The following IL1RAPL1 variants were observed in gnomAD, a reference collection of about 807,000 sequenced individuals.
IL1RAPL1 encodes the protein interleukin-1 receptor accessory protein-like 1.
Under a neutral mutation model 48.4 loss-of-function variants are expected in IL1RAPL1, and 3 were observed. The ratio of observed to expected loss-of-function variants is 0.06; its 90% CI spans 0.03 to 0.16. The LOEUF (loss-of-function observed/expected upper bound fraction) is 0.16, where lower values mean the gene tolerates loss of function less well. Ranked by LOEUF, IL1RAPL1 falls within the 10% of genes least tolerant of loss-of-function variation. IL1RAPL1 has a pLI of 1.00. For missense variants in IL1RAPL1, 349 were observed against 530.6 expected, an observed-to-expected ratio of 0.66 and a Z score of 3.36; for synonymous variants, 185 against 187.7, an observed-to-expected ratio of 0.99 and a Z score of 0.12.
chrX:29,081,118 A>G (rs1927833383), intron 2 of IL1RAPL1, among the ~76,000 whole-genome samples: 1 of 99,947 alleles, frequency 1.0e-5, no homozygotes, highest in Admixed American at 1.2e-4. Context: ...CAGTGGTGCA[A>G]TCTAGGCTCA....
intron 2 of IL1RAPL1, among the ~76,000 whole-genome samples, chrX:29,230,858 G>A (rs962858855): frequency 9.0e-6 from 1 of 111,487 alleles, no homozygotes; most frequent in Middle Eastern, 4.6e-3. Context: ...GGGCCCTGTA[G>A]CGTATATGTG....
intron 6 of IL1RAPL1, among the ~76,000 whole-genome samples, chrX:29,774,649 A>G (rs1929149809): frequency 1.8e-5 from 2 of 111,800 alleles, no homozygotes; most frequent in African/African-American, 6.5e-5. Context: ...AGTGTCAGAA[A>G]CTTTAAACTA....
intron 2 of IL1RAPL1, among the ~76,000 whole-genome samples, chrX:29,186,606 C>A: frequency 9.0e-6 from 1 of 110,929 alleles, no homozygotes; most frequent in Non-Finnish European, 1.9e-5. Context: ...ACCACGGTTG[C>A]AGGAAAAAGA....
rs765938580 is a variant in IL1RAPL1 at position 29,915,445 on chromosome X, C to G, written c.779-2019C>G. On this transcript the variant is annotated intron_variant, in intron 6 of 10. Coordinates refer to ENST00000378993, the MANE Select transcript of IL1RAPL1 (RefSeq NM_014271.4). ...TCATGAATTATTCTTAAACAACGAA[C>G]ATAAGAGAATACGATTTTATCCTAT... 1.2e-4 allele frequency among the ~76,000 whole-genome samples: 13 copies of G among 112,080 alleles called. No individual in the cohort carries two copies. The South Asian group carries it at 4.8e-3, about 42-fold the overall frequency.
rs749299402 is a variant in IL1RAPL1, at chrX:29,368,940, TTGC to T, written c.363-27295_363-27293del. On this transcript the variant is annotated intron_variant, in intron 3 of 10. Transcript: ENST00000378993. Reference sequence around the variant, plus strand: ...AGAATCTCAACTGTTCTATCTTCTGTTGCTGCTGCTGCTGCTGCTGCTGCTATT... The same window carrying T: ...AGAATCTCAACTGTTCTATCTTCTGTTGCTGCTGCTGCTGCTGCTGCTATT... 6.0e-4 allele frequency: 71 copies of T among 117,670 alleles called. 1 individual carries two copies. Among genetic ancestry groups the T allele is most frequent in the Non-Finnish European group, 1.1e-3 (61 of 57,733 alleles). The allele number at this position is 117,670 out of a possible 1,213,427, so 9.7% of individuals were successfully genotyped here.
chrX:29,094,063 C>T (rs1928148653), intron 2 of IL1RAPL1, among the ~76,000 whole-genome samples: 1 of 111,914 alleles, frequency 8.9e-6, no homozygotes, highest in South Asian at 3.8e-4. Context: ...CTGTCTACCT[C>T]ACCTGGTTTA....
At chrX:29,379,194 T>A (rs1048575014) in intron 3 of IL1RAPL1, among the ~76,000 whole-genome samples, 1 of 112,593 alleles carries the variant, frequency 8.9e-6, no homozygotes, top group South Asian at 3.6e-4. Flanking sequence ...GTGAATGTAC[T>A]CAGGTGAAGC....
chrX:29,828,060 T>C (rs893570841), intron 6 of IL1RAPL1, among the ~76,000 whole-genome samples: 1 of 111,728 alleles, frequency 9.0e-6, no homozygotes, highest in Non-Finnish European at 1.9e-5. Flanking sequence ...TTTATTCATC[T>C]CTGGGATAAA....
intron 5 of IL1RAPL1, among the ~76,000 whole-genome samples, chrX:29,454,782 A>G (rs1309994805): frequency 1.8e-5 from 2 of 109,902 alleles, no homozygotes; most frequent in Non-Finnish European, 3.8e-5. Context: ...GTGAGAATAC[A>G]TGAAGCTCGC....
chrX:28,875,055 C>T (rs1323748194), intron 2 of IL1RAPL1, among the ~76,000 whole-genome samples: 1 of 111,596 alleles, frequency 9.0e-6, no homozygotes, highest in African/African-American at 3.3e-5. Flanking sequence ...GGATTTTCAG[C>T]AGTTAAGAAT....
intron 2 of IL1RAPL1, among the ~76,000 whole-genome samples, chrX:29,274,438 A>G (rs1332380125): frequency 8.9e-6 from 1 of 112,569 alleles, no homozygotes; most frequent in African/African-American, 3.2e-5. Flanking sequence ...TTGGCGGAGC[A>G]GTACACAAGC....
intron 2 of IL1RAPL1, among the ~76,000 whole-genome samples, chrX:28,997,363 G>C (rs1415918987): frequency 9.0e-6 from 1 of 111,639 alleles, no homozygotes; most frequent in African/African-American, 3.3e-5. Context: ...TTATTAGTAA[G>C]ATAACTCTAT....
At chrX:29,508,884 A>G (rs1300019227) in intron 5 of IL1RAPL1, among the ~76,000 whole-genome samples, 4 of 112,107 alleles carry the variant, frequency 3.6e-5, no homozygotes, top group Non-Finnish European at 7.5e-5. Flanking sequence ...ACTTTTTTAT[A>G]TGGAGAAGTC....
rs767817898 is a variant in IL1RAPL1, at chrX:29,276,801, C to T, written c.83-6137C>T. 7.2e-5 allele frequency among the ~76,000 whole-genome samples: 8 copies of T among 111,215 alleles called. No homozygotes were observed. The East Asian group carries it at 2.0e-3, about 27-fold the overall frequency. The stretch of plus-strand genomic sequence containing the variant: ...GAGTAGCTGGGACTACAGGCACATG[C>T]TGCTGGGTCCAGTTTGAGATTTAGA... On this transcript the variant is annotated intron_variant, in intron 2 of 10. Coordinates refer to ENST00000378993, the MANE Select transcript of IL1RAPL1 (RefSeq NM_014271.4).
chrX:29,587,454 C>A (rs1052508149), intron 5 of IL1RAPL1, among the ~76,000 whole-genome samples: 1 of 110,300 alleles, frequency 9.1e-6, no homozygotes, highest in African/African-American at 3.3e-5. Flanking sequence ...TAAGTTTAAA[C>A]GATGTATTGT....
intron 2 of IL1RAPL1, among the ~76,000 whole-genome samples, chrX:28,952,491 T>C (rs1050133408): frequency 8.9e-6 from 1 of 111,821 alleles, no homozygotes; most frequent in African/African-American, 3.2e-5. Context: ...AGATCAGCCT[T>C]CTGCCATTAG....
intron 5 of IL1RAPL1, among the ~76,000 whole-genome samples, chrX:29,643,224 G>T (rs1925221257): frequency 8.9e-6 from 1 of 111,963 alleles, no homozygotes; most frequent in Non-Finnish European, 1.9e-5. Context: ...AGTCACACTT[G>T]TATGTCTTAC....
intron 6 of IL1RAPL1, among the ~76,000 whole-genome samples, chrX:29,731,118 T>C (rs1472207529): frequency 8.9e-6 from 1 of 112,253 alleles, no homozygotes; most frequent in Non-Finnish European, 1.9e-5. Flanking sequence ...ATTCCTACCC[T>C]CTGTCTTTAT....
In IL1RAPL1 at chrX:29,579,532, A is replaced by G. The variant is rs767743471; in HGVS notation, c.704-88898A>G. ...TCTCTTACAGAAAACTTTGTACTGT[A>G]TTCCTTTTCTAAAATTGCTTTTGTT... On this transcript the variant is annotated intron_variant, in intron 5 of 10. Transcript: ENST00000378993. Among the ~76,000 whole-genome samples the G allele has an allele frequency of 9.8e-5, 11 of 112,195 alleles. No individual in the cohort carries two copies. The South Asian group carries it at 3.3e-3, about 34-fold the overall frequency.
Sources: allele counts gnomAD v4.1 joint callset (sites outside exome capture counted in the v4.1 genomes callset), GRCh38; gene constraint gnomAD v4.1.1; transcripts MANE v1.5; gene names NCBI Gene and HGNC (gene_info 2026-07-23, HGNC 2026-07-21).